OLA1: variants seen among roughly 807,000 people sequenced by gnomAD.
OLA1 encodes the protein Obg like ATPase 1, also known as obg-like ATPase 1.
In OLA1, 14 loss-of-function variants were observed where a neutral mutation model predicts 48.4. The ratio of observed to expected loss-of-function variants is 0.29; its 90% CI spans 0.19 to 0.45. The LOEUF (loss-of-function observed/expected upper bound fraction) is 0.45, where lower values mean the gene tolerates loss of function less well. OLA1 is among the 20% of genes least tolerant of loss of function. The pLI is 1.00. For missense variants in OLA1, 325 were observed against 467.1 expected, an observed-to-expected ratio of 0.70 and a Z score of 2.80; for synonymous variants, 127 against 150.4, an observed-to-expected ratio of 0.84 and a Z score of 1.14.
At chr2:174,192,241 A>G (rs996775208) in intron 4 of OLA1, among the ~76,000 whole-genome samples, 2 of 152,166 alleles carry the variant, frequency 1.3e-5, no homozygotes, top group Admixed American at 6.5e-5. Context: ...CTGAGACCAG[A>G]AGTGTTTCAG....
At chr2:174,194,197 G>A (rs1687835088) in intron 4 of OLA1, among the ~76,000 whole-genome samples, 2 of 152,012 alleles carry the variant, frequency 1.3e-5, no homozygotes, top group Admixed American at 6.5e-5. Context: ...GCATACTTTT[G>A]GGGACTCTTT....
chr2:174,141,863 C>A lies in OLA1; in HGVS notation c.511G>T (p.Ala171Ser), dbSNP rs1160069799. 2 of 1,609,678 alleles carry A rather than the reference C, an allele frequency of 1.2e-6. No individual in the cohort carries two copies. The highest frequency in any genetic ancestry group is 1.7e-5 in the Admixed American group (1 of 59,514). Residue 171 changes from alanine (A) to serine (S), a missense_variant, in exon 5 of 11, where the codon GCT (alanine) becomes TCT (serine). Ala to Ser is a moderately conservative substitution (Grantham distance 99). Coordinates refer to ENST00000284719, the MANE Select transcript of OLA1 (RefSeq NM_013341.5). ...GPIIDKLEKV[A>S]VRGGDKKLKP... ...AGTTTTTTATCTCCTCCTCTCACAG[C>A]CACCTTTTCTAGTTTATCTATAATG... is the stretch of plus-strand genomic sequence containing the variant.
chr2:174,106,968 A>C (rs565247542), intron 7 of OLA1, among the ~76,000 whole-genome samples: 4 of 152,264 alleles, frequency 2.6e-5, no homozygotes, highest in African/African-American at 9.6e-5. Flanking sequence ...TTCTCTGAGA[A>C]CATCAGTGCA....
chr2:174,175,755 C>T (rs917235724), intron 4 of OLA1, among the ~76,000 whole-genome samples: 2 of 151,954 alleles, frequency 1.3e-5, no homozygotes, highest in Admixed American at 1.3e-4. Context: ...TCCATACAAA[C>T]ATTTCTACAC....
intron 4 of OLA1, among the ~76,000 whole-genome samples, chr2:174,182,348 A>T (rs1687564814): frequency 6.6e-6 from 1 of 152,036 alleles, no homozygotes; most frequent in African/African-American, 2.4e-5. Flanking sequence ...AACATGAAGA[A>T]CCCCTGTCTC....
chr2:174,139,407 C>T (rs990291193), intron 5 of OLA1, among the ~76,000 whole-genome samples: 11 of 152,152 alleles, frequency 7.2e-5, no homozygotes, highest in South Asian at 2.1e-4. Context: ...CCTCCAGAAC[C>T]GGGAAAGAAG....
chr2:174,099,395 C>T (rs1685337482), intron 7 of OLA1, among the ~76,000 whole-genome samples: 1 of 152,154 alleles, frequency 6.6e-6, no homozygotes, highest in African/African-American at 2.4e-5. Context: ...AACTTATGAT[C>T]CGCCCGCCTT....
intron 4 of OLA1, among the ~76,000 whole-genome samples, chr2:174,150,681 A>G (rs1421031737): frequency 2.0e-5 from 3 of 152,232 alleles, no homozygotes; most frequent in Non-Finnish European, 4.4e-5. Context: ...CTTGTTAAAT[A>G]TAAGTTTTCC....
At chr2:174,197,251 C>T (rs1055354824) in intron 4 of OLA1, among the ~76,000 whole-genome samples, 2 of 152,118 alleles carry the variant, frequency 1.3e-5, no homozygotes, top group Non-Finnish European at 2.9e-5. Flanking sequence ...AAACAACAAA[C>T]ACCCAAGCTC....
intron 7 of OLA1, among the ~76,000 whole-genome samples, chr2:174,118,354 G>C (rs1243332487): frequency 6.6e-6 from 1 of 152,190 alleles, no homozygotes; most frequent in East Asian, 1.9e-4. Context: ...CTCTAGTGCA[G>C]ATTTTTAAGG....
At chr2:174,167,858 C>A (rs929409300) in intron 4 of OLA1, among the ~76,000 whole-genome samples, 1 of 152,104 alleles carries the variant, frequency 6.6e-6, no homozygotes, top group Admixed American at 6.5e-5. Context: ...TGACTTATTA[C>A]GTAGCCTAAA....
chr2:174,211,177 C>CATA (rs1688232857), intron 4 of OLA1, among the ~76,000 whole-genome samples: 1 of 93,654 alleles, frequency 1.1e-5, no homozygotes, highest in Non-Finnish European at 2.4e-5. Context: ...TCCTCCTCCC[C>CATA]ACAACACACA....
intron 7 of OLA1, among the ~76,000 whole-genome samples, chr2:174,082,399 C>G (rs979499088): frequency 6.6e-6 from 1 of 152,014 alleles, no homozygotes; most frequent in Non-Finnish European, 1.5e-5. Context: ...TTTTGTTTTC[C>G]TTACTTTACA....
chr2:174,121,692 C>G (rs1279220452), intron 7 of OLA1, among the ~76,000 whole-genome samples: 2 of 152,182 alleles, frequency 1.3e-5, no homozygotes, highest in African/African-American at 4.8e-5. Flanking sequence ...ATGTCATCAT[C>G]ACAACTGGTC....
chr2:174,205,170 T>C (rs1688081102), intron 4 of OLA1, among the ~76,000 whole-genome samples: 1 of 152,208 alleles, frequency 6.6e-6, no homozygotes, highest in South Asian at 2.1e-4. Flanking sequence ...ACCCTGAATA[T>C]AACACTGCTT....
intron 4 of OLA1, among the ~76,000 whole-genome samples, chr2:174,155,691 G>C (rs2105391978): frequency 2.0e-5 from 3 of 152,156 alleles, no homozygotes; most frequent in Middle Eastern, 6.8e-3. Context: ...TAAGGAGCGG[G>C]AACACATACC....
intron 2 of OLA1, among the ~76,000 whole-genome samples, chr2:174,236,097 A>G (rs1253605429): frequency 1.3e-5 from 2 of 152,120 alleles, no homozygotes; most frequent in African/African-American, 2.4e-5. Context: ...TTAAAGGAAA[A>G]CAACAATATT....
chr2:174,169,413 G>A (rs1479692102), intron 4 of OLA1, among the ~76,000 whole-genome samples: 1 of 152,096 alleles, frequency 6.6e-6, no homozygotes, highest in Non-Finnish European at 1.5e-5. Flanking sequence ...AAATGTCGAA[G>A]GTAAAGAGCA....
chr2:174,130,212 G>T (rs1686146047), intron 5 of OLA1, among the ~76,000 whole-genome samples: 1 of 152,138 alleles, frequency 6.6e-6, no homozygotes, highest in African/African-American at 2.4e-5. Flanking sequence ...TGCTCTACTA[G>T]ATAAATGCTG....
Sources: gnomAD v4.1 joint callset for allele counts (sites outside exome capture counted in the v4.1 genomes callset) on GRCh38, gnomAD v4.1.1 for gene constraint, MANE v1.5 for transcripts, NCBI Gene and HGNC (gene_info 2026-07-23, HGNC 2026-07-21) for gene names.